The following KLRG1 variants were observed in gnomAD, a reference collection of about 807,000 sequenced individuals.
KLRG1 encodes killer cell lectin like receptor G1.
In KLRG1, 16 loss-of-function variants were observed where a neutral mutation model predicts 21.8. The observed-to-expected ratio is 0.73, with a 90% CI of 0.50 to 1.11. The LOEUF (loss-of-function observed/expected upper bound fraction) is 1.11. Ranked by LOEUF, KLRG1 falls within the 50% of genes most tolerant of loss-of-function variation. The probability of loss-of-function intolerance (pLI) is 0.00; values close to 1 mark genes in which losing one functional copy is unlikely to be tolerated. For synonymous variants in KLRG1, 69 were observed against 75.9 expected, an observed-to-expected ratio of 0.91 and a Z score of 0.47; for missense variants, 173 against 218.3, an observed-to-expected ratio of 0.79 and a Z score of 1.31.
At chr12:9,197,633 T>A in the KLRG1 span, among the ~76,000 whole-genome samples, 1 of 68,430 alleles carries the variant, frequency 1.5e-5, no homozygotes, top group African/African-American at 6.1e-5. Flanking sequence ...TATTATATTA[T>A]ATATTATATT....
chr12:9,077,307 C>T, the KLRG1 span: 12 of 1,569,996 alleles, frequency 7.6e-6, no homozygotes, highest in Non-Finnish European at 1.0e-5. Context: ...TCATTGCATC[C>T]AGAACTCTCC....
the KLRG1 span, among the ~76,000 whole-genome samples, chr12:9,133,641 A>G: frequency 2.0e-4 from 31 of 152,290 alleles, no homozygotes; most frequent in African/African-American, 6.0e-4. Flanking sequence ...TATCCTTGCA[A>G]AAAGGGAGAG....
At chr12:9,132,348 G>A in the KLRG1 span, among the ~76,000 whole-genome samples, 5 of 152,188 alleles carry the variant, frequency 3.3e-5, no homozygotes, top group Admixed American at 1.3e-4. Context: ...TGTGATAAAC[G>A]ACATGGGTTG....
downstream of KLRG1, among the ~76,000 whole-genome samples, chr12:9,011,018 CAATT>C (rs1947624761): frequency 6.6e-6 from 1 of 152,118 alleles, no homozygotes; most frequent in Admixed American, 6.5e-5. Context: ...TAGTGACTCT[CAATT>C]AAGGATGTAA....
the KLRG1 span, among the ~76,000 whole-genome samples, chr12:9,019,406 TA>T: frequency 6.6e-6 from 1 of 152,192 alleles, no homozygotes; most frequent in African/African-American, 2.4e-5. Flanking sequence ...GATCCAGCAA[TA>T]CCACTGCTAA....
At chr12:9,111,608 T>C in the KLRG1 span, 2 of 450,052 alleles carry the variant, frequency 4.4e-6, no homozygotes, top group Non-Finnish European at 4.4e-6. Context: ...TCTTTTGTCT[T>C]TGGAGCTAGA....
downstream of KLRG1, among the ~76,000 whole-genome samples, chr12:9,011,095 T>C (rs1443082944): frequency 6.6e-6 from 1 of 152,208 alleles, no homozygotes; most frequent in Non-Finnish European, 1.5e-5. Context: ...CATTTACTTA[T>C]TGAAAGATAA....
At chr12:9,194,331 C>G in the KLRG1 span, 1 of 1,183,748 alleles carries the variant, frequency 8.4e-7, no homozygotes, top group East Asian at 2.4e-5. Context: ...ATAACTAAAA[C>G]AACAACCTCC....
chr12:9,024,622 A>G, the KLRG1 span, among the ~76,000 whole-genome samples: 3 of 152,294 alleles, frequency 2.0e-5, no homozygotes, highest in South Asian at 4.1e-4. Context: ...ATAGCTTTAA[A>G]TGGCCCCACC....
the KLRG1 span, among the ~76,000 whole-genome samples, chr12:9,045,497 G>A: frequency 6.6e-6 from 1 of 151,940 alleles, no homozygotes; most frequent in Non-Finnish European, 1.5e-5. Flanking sequence ...ACTTTAAAAG[G>A]CAAAAAACAC....
chr12:9,074,457 T>TA, the KLRG1 span: 1 of 1,141,558 alleles, frequency 8.8e-7, no homozygotes, highest in South Asian at 1.6e-5. Context: ...CATTTCAAGT[T>TA]ACTGTCATCT....
At chr12:9,112,323 G>A in the KLRG1 span, 1 of 1,600,842 alleles carries the variant, frequency 6.2e-7, no homozygotes. Context: ...GGAACATCCA[G>A]GGGAAGAAGA....
At chr12:8,954,113 C>T (rs1310464863) in intron 1 of KLRG1, among the ~76,000 whole-genome samples, 3 of 151,976 alleles carry the variant, frequency 2.0e-5, no homozygotes, top group African/African-American at 4.8e-5. Flanking sequence ...TAAGATGTTC[C>T]GATTTTATCT....
the KLRG1 span, chr12:9,091,535 A>G: frequency 1.8e-6 from 2 of 1,138,772 alleles, no homozygotes; most frequent in Non-Finnish European, 2.5e-6. Flanking sequence ...AAAAACACTC[A>G]ATAGAAATAC....
chr12:9,004,024 G>A (rs1250227987), intron 3 of KLRG1, among the ~76,000 whole-genome samples: 6 of 151,822 alleles, frequency 4.0e-5, no homozygotes, highest in Non-Finnish European at 7.4e-5. Flanking sequence ...CCCTACAAAG[G>A]ACATGAACTC....
intron 1 of KLRG1, among the ~76,000 whole-genome samples, chr12:8,969,630 C>A (rs1946535622): frequency 6.6e-6 from 1 of 151,708 alleles, no homozygotes. Context: ...AAGGAAGAAT[C>A]TAATAAAGAG....
chr12:9,003,794 C>A (rs2137406758), intron 3 of KLRG1, among the ~76,000 whole-genome samples: 1 of 151,990 alleles, frequency 6.6e-6, no homozygotes, highest in Admixed American at 6.6e-5. Flanking sequence ...TGCTGGCGTG[C>A]TGCACCCATT....
chr12:9,031,434 G>A, the KLRG1 span, among the ~76,000 whole-genome samples: 1 of 152,188 alleles, frequency 6.6e-6, no homozygotes, highest in African/African-American at 2.4e-5. Context: ...GTTCCACCGG[G>A]GGAGAAGCTT....
chr12:9,068,618 G>A, the KLRG1 span: 3 of 810,172 alleles, frequency 3.7e-6, no homozygotes, highest in Non-Finnish European at 6.0e-6. Context: ...CAGACTTGAT[G>A]GAGACAAAAT....
Sources: gnomAD v4.1 joint callset for allele counts (sites outside exome capture counted in the v4.1 genomes callset) on GRCh38, gnomAD v4.1.1 for gene constraint, MANE v1.5 for transcripts, NCBI Gene and HGNC (gene_info 2026-07-23, HGNC 2026-07-21) for gene names.